Variants in ASMTL observed in about 807,000 individuals in gnomAD.
The protein encoded by ASMTL is acetylserotonin O-methyltransferase like.
Under a neutral mutation model 60.3 loss-of-function variants are expected in ASMTL, and 57 were observed. The observed-to-expected ratio is 0.95, with a 90% CI of 0.76 to 1.18. ASMTL has a LOEUF of 1.18. Among genes scored for constraint, ASMTL ranks in the 50% most tolerant of loss-of-function variants. ASMTL has a pLI of 0.00. For synonymous variants in ASMTL, 419 were observed against 373.0 expected (o/e 1.12, Z -1.42); for missense variants, 981 against 852.6 (o/e 1.15, Z -1.88).
intron 1 of ASMTL, among the ~76,000 whole-genome samples, chrX:1,446,560 T>C (rs1187229170): frequency 1.0e-4 from 15 of 146,610 alleles, no homozygotes; most frequent in African/African-American, 3.3e-4. Flanking sequence ...AGTGCAGTGG[T>C]GCCATCTCGG....
intron 11 of ASMTL, 52 bp from the exon 12 acceptor site, chrX:1,412,906 C>A (rs746324711): frequency 6.2e-7 from 1 of 1,604,302 alleles, no homozygotes. Context: ...AGAAGCAGTC[C>A]TCCCCGGACA....
At position 1,403,217 on chromosome X, in the gene ASMTL, C is replaced by G; in HGVS notation, c.*52G>C. 1 of 1,525,608 alleles carries G rather than the reference C, an allele frequency of 6.6e-7. No individual in the cohort carries two copies. The highest frequency in any genetic ancestry group is 9.1e-7 in the Non-Finnish European group (1 of 1,103,662). 94.5% of individuals were successfully genotyped at this position (1,525,608 alleles called of 1,614,324 possible). On this transcript the variant is annotated 3_prime_UTR_variant, in exon 13 of 13. Transcript: ENST00000381317. The stretch of plus-strand genomic sequence containing the variant: ...CTATGGTACTTGGGGACCGGGCGGT[C>G]CACCTGCAGCCTGGGGGAGGACATC...
rs771058943 is a variant in ASMTL at position 1,425,580 on chromosome X, C to T, written c.1005G>A (p.Met335Ile). Residue 335 changes from methionine to isoleucine, a missense_variant, in exon 8 of 13, where the codon ATG becomes ATA. By Grantham distance (10) the Met-to-Ile change is conservative. Coordinates refer to ENST00000381317, the MANE Select transcript of ASMTL (RefSeq NM_004192.4). ...CAGCACAGATGTCCAGAAGCCTCTC[C>T]ATTCCACACGCAGAGGCGTCCACTT... The part of the protein sequence containing the change: ...ASKVDASACG[M>I]ERLLDICAAM... 2 of 1,613,650 alleles carry T rather than the reference C, an allele frequency of 1.2e-6. No individual in the cohort carries two copies. Among genetic ancestry groups the T allele is most frequent in the Non-Finnish European group, 1.7e-6 (2 of 1,179,840 alleles).
intron 1 of ASMTL, 61 bp downstream of exon 1, chrX:1,452,687 G>A (rs2091426892): frequency 7.1e-7 from 1 of 1,405,502 alleles, no homozygotes; most frequent in African/African-American, 1.4e-5. Context: ...GAGTCGCTGG[G>A]CCCTCCGGGG....
At chrX:1,450,411 C>A (rs1240287277) in intron 1 of ASMTL, among the ~76,000 whole-genome samples, 1 of 151,326 alleles carries the variant, frequency 6.6e-6, no homozygotes, top group African/African-American at 2.4e-5. Context: ...CTAGGGGTCC[C>A]AGGTCACTCC....
At position 1,412,631 on chromosome X, in the gene ASMTL, G is replaced by A. The variant is rs1359433190; in HGVS notation, c.1645+101C>T. The A allele has an allele frequency of 2.0e-6, 3 of 1,531,312 alleles. No homozygotes were observed. The African/African-American group carries it at 4.1e-5, about 21-fold the overall frequency. The allele number at this position is 1,531,312 out of a possible 1,614,324, so 94.9% of individuals were successfully genotyped here. A position where few individuals can be genotyped will look rare whatever the true frequency, so the allele number is the denominator to read the frequency against. ...GCCCGCCTCGGCCTCCCAAAGCGCT[G>A]GGATGACAGGCGTGAGCCACCGCGC... On this transcript the variant is annotated intron_variant, in intron 12 of 12. Coordinates refer to ENST00000381317, the MANE Select transcript of ASMTL (RefSeq NM_004192.4).
At chrX:1,423,093 C>T (rs2090523026) in intron 8 of ASMTL, among the ~76,000 whole-genome samples, 1 of 152,118 alleles carries the variant, frequency 6.6e-6, no homozygotes, top group South Asian at 2.1e-4. Flanking sequence ...GCTGGGACTA[C>T]AGGCACCCGC....
At chrX:1,411,806 CTTT>C (rs756437483) in intron 12 of ASMTL, among the ~76,000 whole-genome samples, 1,558 of 86,048 alleles carry the variant, frequency 0.018, 13 homozygotes, top group African/African-American at 0.073. Context: ...TTAGGATTTT[CTTT>C]TTTTTTTTTT....
At chrX:1,416,737 ACAGTCAGT>A (rs369672619) in intron 11 of ASMTL, among the ~76,000 whole-genome samples, 1 of 150,038 alleles carries the variant, frequency 6.7e-6, no homozygotes, top group East Asian at 2.0e-4. Context: ...CATACCACAC[ACAGTCAGT>A]CATGCACACA....
At chrX:1,425,185 A>C (rs183068201) in intron 8 of ASMTL, among the ~76,000 whole-genome samples, 16 of 152,274 alleles carry the variant, frequency 1.1e-4, no homozygotes, top group African/African-American at 3.9e-4. Context: ...CTACCCATCC[A>C]TCTACGTTAT....
intron 10 of ASMTL, 40 bp from the exon 11 acceptor site, chrX:1,418,156 T>C (rs1337103195): frequency 6.4e-6 from 10 of 1,553,504 alleles, no homozygotes; most frequent in Non-Finnish European, 7.9e-6. Context: ...CTGGGTCGTC[T>C]ATGGAACTCT....
At chrX:1,403,982 T>A (rs34718921) in intron 12 of ASMTL, among the ~76,000 whole-genome samples, 2,277 of 123,788 alleles carry the variant, frequency 0.018, 58 homozygotes, top group African/African-American at 0.068. Context: ...TGCATGGATG[T>A]GATGGATGGA....
intron 8 of ASMTL, among the ~76,000 whole-genome samples, chrX:1,422,188 G>C (rs1363685534): frequency 6.6e-6 from 1 of 152,150 alleles, no homozygotes; most frequent in Non-Finnish European, 1.5e-5. Context: ...CACCCATCTA[G>C]ATGTGGCTGT....
chrX:1,448,820 C>A (rs1231348879), intron 1 of ASMTL, among the ~76,000 whole-genome samples: 2 of 151,712 alleles, frequency 1.3e-5, no homozygotes, highest in Non-Finnish European at 1.5e-5. Context: ...TGGACAAGCA[C>A]TGCCATCTTG....
chrX:1,417,858 C>A, intron 11 of ASMTL, 115 bp downstream of exon 11: 1 of 1,357,104 alleles, frequency 7.4e-7, no homozygotes, highest in Non-Finnish European at 1.0e-6. Flanking sequence ...ACACACATAC[C>A]CACCATGGAA....
At chrX:1,451,679 G>T (rs2091390143) in intron 1 of ASMTL, among the ~76,000 whole-genome samples, 1 of 145,280 alleles carries the variant, frequency 6.9e-6, no homozygotes, top group African/African-American at 2.6e-5. Flanking sequence ...ATTCCTAGGG[G>T]TCCCGGGTTA....
intron 5 of ASMTL, 71 bp downstream of exon 5, chrX:1,434,951 A>T (rs1477895074): frequency 6.4e-7 from 1 of 1,566,748 alleles, no homozygotes; most frequent in Non-Finnish European, 8.8e-7. Context: ...CCCTCAAGCC[A>T]AGGGTCCCGA....
At position 1,418,977 on chromosome X, in the gene ASMTL, C is replaced by A. The variant is rs199527526; in HGVS notation, c.1378+5G>T. 9.9e-6 allele frequency: 16 copies of A among 1,611,686 alleles called. No individual in the cohort carries two copies. The highest frequency in any genetic ancestry group is 2.5e-6 in the Non-Finnish European group (3 of 1,179,814). Reference sequence around the variant, plus strand: ...AAGGAGAGCCCTGGCGGGGGGGCCACCCACCTCCCACGTCGCAGGCGGAGG... The same window carrying A: ...AAGGAGAGCCCTGGCGGGGGGGCCAACCACCTCCCACGTCGCAGGCGGAGG... On this transcript the variant is annotated splice_donor_5th_base_variant and intron_variant, in intron 10 of 12. Coordinates refer to ENST00000381317, the MANE Select transcript of ASMTL (RefSeq NM_004192.4).
In ASMTL at chrX:1,425,049, C is replaced by G. The variant is rs1320659760; in HGVS notation, c.1060+476G>C. Among the ~76,000 whole-genome samples the G allele has an allele frequency of 3.5e-5, 4 of 115,642 alleles. No individual in the cohort carries two copies. In the East Asian group the frequency reaches 1.2e-3, roughly 34 times the overall value. 75.9% of individuals were successfully genotyped at this position (115,642 alleles called of 152,430 possible). The stretch of plus-strand genomic sequence containing the variant: ...TCCTCCCATCTATCCACCTACCATC[C>G]ATCCATCCATCTATCCATCCATCCA... On this transcript the variant is annotated intron_variant, in intron 8 of 12. Transcript: ENST00000381317.
Sources: allele counts gnomAD v4.1 joint callset (sites outside exome capture counted in the v4.1 genomes callset), GRCh38; gene constraint gnomAD v4.1.1; transcripts MANE v1.5; gene names NCBI Gene and HGNC (gene_info 2026-07-23, HGNC 2026-07-21).